The following AVEN variants were observed in gnomAD, a reference collection of about 807,000 sequenced individuals.
The protein encoded by AVEN is cell death regulator Aven.
A neutral mutation model predicts 38.1 loss-of-function variants in AVEN; 41 were observed. The ratio of observed to expected loss-of-function variants is 1.08; its 90% confidence interval spans 0.84 to 1.40. The LOEUF is 1.40. Ranked by LOEUF, AVEN falls within the 40% of genes most tolerant of loss-of-function variation. The pLI is 0.00. For synonymous variants in AVEN, 206 were observed against 171.8 expected (o/e 1.20, Z -1.56); for missense variants, 605 against 438.8 (o/e 1.38, Z -3.38).
At chr15:33,871,590 T>TA (rs1206889411) in intron 3 of AVEN, among the ~76,000 whole-genome samples, 1 of 151,816 alleles carries the variant, frequency 6.6e-6, no homozygotes, top group Non-Finnish European at 1.5e-5. Flanking sequence ...GACTGTCCAG[T>TA]AACCTGGAAA....
At chr15:33,864,108 G>A (rs200357997), downstream of AVEN, 4 of 1,561,002 alleles carry the variant, frequency 2.6e-6, no homozygotes, top group Non-Finnish European at 3.5e-6. Flanking sequence ...CTTGACCAGA[G>A]TATCTAATAC....
intron 2 of AVEN, among the ~76,000 whole-genome samples, chr15:33,961,525 G>C (rs982552749): frequency 2.6e-5 from 4 of 151,996 alleles, no homozygotes; most frequent in African/African-American, 4.8e-5. Flanking sequence ...AGAAAATAAA[G>C]TGTCTGCACT....
In AVEN at chr15:34,058,597, C is replaced by G. The variant is rs141840422; in HGVS notation, n.1637+4325G>C. ...ACACACACACACACACACACACAGC[C>G]TGAAGTAACCTGATGTTAACTAACC... On this transcript the variant is annotated intron_variant and non_coding_transcript_variant, in intron 5 of 11. Transcript: ENST00000675287. Among the ~76,000 whole-genome samples the G allele has an allele frequency of 4.4e-3, 660 of 150,488 alleles. 4 individuals carry two copies. The highest frequency in any genetic ancestry group is 0.015 in the African/African-American group (633 of 40,968).
chr15:33,864,246 CTT>C (rs1889614970), downstream of AVEN: 6 of 1,327,412 alleles, frequency 4.5e-6, no homozygotes, highest in South Asian at 7.5e-5. Flanking sequence ...AATCTTGAGA[CTT>C]AGTAGGGCAT....
chr15:33,954,025 T>C (rs1057144519), intron 2 of AVEN, among the ~76,000 whole-genome samples: 2 of 152,210 alleles, frequency 1.3e-5, no homozygotes, highest in Non-Finnish European at 2.9e-5. Flanking sequence ...AGAAGACATT[T>C]ATGCAGCCAA....
At chr15:34,028,690 G>A (rs1423251634) in intron 1 of AVEN, among the ~76,000 whole-genome samples, 6 of 152,162 alleles carry the variant, frequency 3.9e-5, no homozygotes, top group Admixed American at 1.3e-4. Context: ...CAACAGCTGT[G>A]TAAGGTAGAT....
intron 2 of AVEN, among the ~76,000 whole-genome samples, chr15:33,979,755 G>A (rs1267577778): frequency 6.6e-6 from 1 of 152,172 alleles, no homozygotes; most frequent in African/African-American, 2.4e-5. Context: ...AGTTCGTTAG[G>A]CATCCTCAGG....
At chr15:33,997,554 G>A (rs1896986043) in intron 2 of AVEN, among the ~76,000 whole-genome samples, 1 of 151,924 alleles carries the variant, frequency 6.6e-6, no homozygotes, top group African/African-American at 2.4e-5. Context: ...AAATCTCAAC[G>A]TCAAACATTC....
chr15:33,868,273 C>T (rs541690912), intron 4 of AVEN, among the ~76,000 whole-genome samples: 1 of 152,196 alleles, frequency 6.6e-6, no homozygotes, highest in Admixed American at 6.5e-5. Context: ...CCTGTAATCC[C>T]AGCACTTTGG....
chr15:33,967,676 T>A (rs1273572590), intron 2 of AVEN, among the ~76,000 whole-genome samples: 1 of 152,006 alleles, frequency 6.6e-6, no homozygotes, highest in Non-Finnish European at 1.5e-5. Context: ...AAAAAACGTT[T>A]AAATTTAAAA....
chr15:33,905,950 G>A (rs1161933907), intron 2 of AVEN, among the ~76,000 whole-genome samples: 1 of 152,036 alleles, frequency 6.6e-6, no homozygotes, highest in Non-Finnish European at 1.5e-5. Flanking sequence ...TATATTTCTA[G>A]GACACTGTCT....
chr15:33,961,621 G>C lies in AVEN; in HGVS notation c.445+41411C>G, dbSNP rs557494892. Among the ~76,000 whole-genome samples the C allele has an allele frequency of 1.1e-4, 17 of 151,558 alleles. No homozygotes were observed. The South Asian group carries it at 1.5e-3, about 13-fold the overall frequency. On this transcript the variant is annotated intron_variant, in intron 2 of 5. Transcript: ENST00000306730. ...GAGGTCAGGAGATCGAGACCATTCTGGCTAACACGGTGAAACCCCGTCTCT... is the reference window on the plus strand; with the variant it reads ...GAGGTCAGGAGATCGAGACCATTCTCGCTAACACGGTGAAACCCCGTCTCT...
chr15:33,896,692 T>C (rs1892247803), intron 2 of AVEN, among the ~76,000 whole-genome samples: 1 of 152,156 alleles, frequency 6.6e-6, no homozygotes, highest in Non-Finnish European at 1.5e-5. Context: ...CATCCATCCC[T>C]CTCATCATCT....
At chr15:33,936,999 C>T (rs918256928) in intron 2 of AVEN, among the ~76,000 whole-genome samples, 112 of 151,526 alleles carry the variant, frequency 7.4e-4, no homozygotes, top group African/African-American at 1.3e-3. Flanking sequence ...GGCATGGTGG[C>T]GGGCGCCTGT....
chr15:33,928,008 G>A (rs1328927895), intron 2 of AVEN, among the ~76,000 whole-genome samples: 9 of 152,200 alleles, frequency 5.9e-5, no homozygotes, highest in Admixed American at 2.0e-4. Flanking sequence ...GCCTGGTGAT[G>A]AAGTAGGTGG....
chr15:33,891,137 G>C (rs919647203), intron 2 of AVEN, among the ~76,000 whole-genome samples: 3 of 151,920 alleles, frequency 2.0e-5, no homozygotes, highest in Admixed American at 2.0e-4. Context: ...ATACTAAAAT[G>C]TCTGGCTTTT....
intron 2 of AVEN, among the ~76,000 whole-genome samples, chr15:33,989,257 G>A (rs1817701682): frequency 1.3e-5 from 2 of 152,038 alleles, no homozygotes; most frequent in Non-Finnish European, 2.9e-5. Flanking sequence ...ACAGCCCCGT[G>A]TTAATGACCT....
chr15:34,053,759 A>G (rs1490327671), intron 5 of AVEN, among the ~76,000 whole-genome samples: 1 of 152,228 alleles, frequency 6.6e-6, no homozygotes, highest in African/African-American at 2.4e-5. Context: ...CGTTCAGGAC[A>G]TAGGCAAAGG....
intron 2 of AVEN, among the ~76,000 whole-genome samples, chr15:33,937,399 G>A (rs1307330303): frequency 6.6e-6 from 1 of 151,718 alleles, no homozygotes; most frequent in East Asian, 2.0e-4. Context: ...CGGGCGTGGT[G>A]GCAGGCGCCT....
Sources: allele counts gnomAD v4.1 joint callset (sites outside exome capture counted in the v4.1 genomes callset), GRCh38; gene constraint gnomAD v4.1.1; transcripts MANE v1.5; gene names NCBI Gene and HGNC (gene_info 2026-07-23, HGNC 2026-07-21).